The following GAS6 variants were observed in gnomAD, a reference collection of about 807,000 sequenced individuals.
GAS6 encodes growth arrest specific 6.
A neutral mutation model predicts 75.8 loss-of-function variants in GAS6; 41 were observed. That is an observed-to-expected ratio of 0.54 (90% CI 0.42 to 0.70). GAS6 has a LOEUF of 0.70. Among genes scored for constraint, GAS6 ranks in the 30% least tolerant of loss-of-function variants. The pLI, the probability that GAS6 is intolerant of heterozygous loss-of-function variation, is 0.00. For synonymous variants in GAS6, 432 were observed against 412.6 expected (o/e 1.05, Z -0.57); for missense variants, 854 against 940.2 (o/e 0.91, Z 1.20).
chr13:113,831,734 A>C (rs1376341432), intron 10 of GAS6, among the ~76,000 whole-genome samples: 2 of 151,506 alleles, frequency 1.3e-5, no homozygotes, highest in Non-Finnish European at 1.5e-5. Context: ...GCATGAACTA[A>C]ACGGGGCAGG....
chr13:113,824,969 A>G (rs531670436), intron 12 of GAS6, among the ~76,000 whole-genome samples: 1 of 152,230 alleles, frequency 6.6e-6, no homozygotes, highest in South Asian at 2.1e-4. Context: ...CTGTAATCCT[A>G]GCAATTTGGG....
intron 7 of GAS6, 93 bp downstream of exon 7, chr13:113,835,420 C>A: frequency 1.4e-6 from 2 of 1,442,908 alleles, no homozygotes; most frequent in Non-Finnish European, 1.9e-6. Context: ...ACCAGAAGCA[C>A]CCGGTTGTTA....
In GAS6 at chr13:113,838,184, G is replaced by A. The variant is rs780849360; in HGVS notation, c.474C>T (p.Asn158=). 1.2e-6 allele frequency: 2 copies of A among 1,612,590 alleles called. No individual in the cohort carries two copies. The highest frequency in any genetic ancestry group is 8.5e-7 in the Non-Finnish European group (1 of 1,179,856). The stretch of plus-strand genomic sequence containing the variant: ...AGCCCCCGTTCTCCTGGCTGCATTC[G>A]TTGACATCTGGGAACAAGCACAGGC... ...WGGRLCDKDV[N]ECSQENGGCL... The change falls in exon 6 of 15, where the codon AAC becomes AAT. Residue 158 remains asparagine, a synonymous_variant. Transcript: ENST00000327773.
chr13:113,854,391 C>T (rs1272948673), intron 2 of GAS6, among the ~76,000 whole-genome samples: 2 of 152,250 alleles, frequency 1.3e-5, no homozygotes, highest in Non-Finnish European at 2.9e-5. Flanking sequence ...AGCAGCTGCA[C>T]GGCGGTAACG....
At chr13:113,841,202 G>C (rs550348888) in intron 4 of GAS6, 3 of 152,410 alleles carry the variant, frequency 2.0e-5, no homozygotes, top group African/African-American at 7.2e-5. Context: ...TGAGCGGCGG[G>C]CGGGTCTGTG....
chr13:113,859,402 G>A (rs893314086), intron 2 of GAS6, among the ~76,000 whole-genome samples: 1 of 149,214 alleles, frequency 6.7e-6, no homozygotes, highest in Non-Finnish European at 1.5e-5. Context: ...ATACATGTCT[G>A]TTAGTATGTG....
At position 113,863,671 on chromosome 13, in the gene GAS6, G is replaced by A. The variant is rs1344271515; in HGVS notation, c.159C>T (p.Phe53=). 5.3e-6 allele frequency: 8 copies of A among 1,521,580 alleles called. No homozygotes were observed. The highest frequency in any genetic ancestry group is 7.0e-6 in the Non-Finnish European group (8 of 1,134,834). 94.3% of individuals were successfully genotyped at this position (1,521,580 alleles called of 1,614,324 possible). Residue 53 remains phenylalanine, a synonymous_variant, in exon 2 of 15, where the codon TTC becomes TTT. Transcript: ENST00000327773. This position sits in a 1 kb window ranked among gnomAD's most constrained non-coding sequence, Gnocchi z 9.4. The part of the protein sequence containing the change: ...RPRQRRAFQV[F]EEAKQGHLER... ...CCAGGTGGCCCTGCTTGGCCTCCTCGAAGACCTGAAAGGCGCGGCGCTGCC... is the reference window on the plus strand; with the variant it reads ...CCAGGTGGCCCTGCTTGGCCTCCTCAAAGACCTGAAAGGCGCGGCGCTGCC...
chr13:113,824,373 G>A (rs970548630), intron 12 of GAS6, among the ~76,000 whole-genome samples: 5 of 151,192 alleles, frequency 3.3e-5, no homozygotes, highest in Non-Finnish European at 5.9e-5. Context: ...GGTCTGAGCT[G>A]TCAGGAGCAC....
chr13:113,862,517 G>C (rs1594212774), intron 2 of GAS6, among the ~76,000 whole-genome samples: 2 of 152,218 alleles, frequency 1.3e-5, no homozygotes, highest in East Asian at 3.9e-4. Flanking sequence ...GACCAAGCTA[G>C]GCTGAGCTGA....
At chr13:113,855,779 C>G (rs575425825) in intron 2 of GAS6, among the ~76,000 whole-genome samples, 7 of 152,286 alleles carry the variant, frequency 4.6e-5, no homozygotes, top group African/African-American at 1.4e-4. Flanking sequence ...CAAGAGTGCA[C>G]GCAAGCAGAA....
At chr13:113,833,713 G>A in intron 8 of GAS6, 1 of 1,006,962 alleles carries the variant, frequency 9.9e-7, no homozygotes, top group South Asian at 3.6e-5. Context: ...GCAGTGGTGT[G>A]ACAGGCACCG....
In GAS6 at chr13:113,836,216, G is replaced by C. The variant is rs370768585; in HGVS notation, c.590-581C>G. Among the ~76,000 whole-genome samples the C allele has an allele frequency of 4.6e-4, 10 of 21,594 alleles. No homozygotes were observed. The East Asian group carries it at 6.3e-3, about 14-fold the overall frequency. The allele number at this position is 21,594 out of a possible 152,430, so 14.2% of individuals were successfully genotyped here. On this transcript the variant is annotated intron_variant, in intron 6 of 14. Coordinates refer to ENST00000327773, the MANE Select transcript of GAS6 (RefSeq NM_000820.4). The stretch of plus-strand genomic sequence containing the variant: ...ACGGAGAAAGGTGGGGGAGGAGAAG[G>C]GGGAGTAGGAGTGGGAGGAGGAAGG...
chr13:113,828,548 G>A lies in GAS6; in HGVS notation c.1307C>T (p.Pro436Leu). Residue 436 changes from proline (P) to leucine (L), a missense_variant and splice_region_variant, in exon 11 of 15, where the codon CCT becomes CTT. Coordinates refer to ENST00000327773, the MANE Select transcript of GAS6 (RefSeq NM_000820.4). ...IPFHEKDLVQ[P>L]INPRLDGCMR... ...CACAGGGACAGGTACAGTACTCACA[G>A]GCTGCACGAGGTCCTTCTCATGGAA... The A allele has an allele frequency of 6.2e-7, 1 of 1,613,052 alleles. No homozygotes were observed. The highest frequency in any genetic ancestry group is 8.5e-7 in the Non-Finnish European group (1 of 1,179,760).
At chr13:113,831,529 G>C (rs549088522) in intron 10 of GAS6, among the ~76,000 whole-genome samples, 1 of 152,050 alleles carries the variant, frequency 6.6e-6, no homozygotes, top group African/African-American at 2.4e-5. Context: ...CACTCTGCTC[G>C]GGATAAACAG....
chr13:113,838,302 A>AGGG (rs2051738310), intron 5 of GAS6, 111 bp from the exon 6 acceptor site: 1 of 1,252,596 alleles, frequency 8.0e-7, no homozygotes, highest in African/African-American at 1.6e-5. Context: ...GAGGGAGCCC[A>AGGG]GAGGTGCACA....
chr13:113,828,606 A>G lies in GAS6; in HGVS notation c.1249T>C (p.Tyr417His), dbSNP rs749740507. 40 of 1,613,494 alleles carry G rather than the reference A, an allele frequency of 2.5e-5. No individual in the cohort carries two copies. The highest frequency in any genetic ancestry group is 3.2e-5 in the Non-Finnish European group (38 of 1,179,994). Residue 417 changes from tyrosine (Y) to histidine (H), a missense_variant, in exon 11 of 15, where the codon TAT becomes CAT. Coordinates refer to ENST00000327773, the MANE Select transcript of GAS6 (RefSeq NM_000820.4). ...GDLFQPERGL[Y>H]HLNLTVGGIP... ...CCTCCCACGGTCAGGTTCAGATGAT[A>G]CAGTCCTCGCTCCGGTTGGAACAAG...
Position 113,821,968 on chromosome 13 carries a change from G to T in GAS6, c.1872C>A (p.Gly624=), listed in dbSNP as rs1017389995. ...GCAGGGAGCACCTACCTGGCAGGCC[G>T]CCAGCAAAGGTGAGCACGGGGCTCC... ...HLRSPVLTFA[G]GLPDVPVTSA... Residue 624 remains glycine, a synonymous_variant, in exon 14 of 15, where the codon GGC becomes GGA. Transcript: ENST00000327773. 11 of 1,533,376 alleles carry T rather than the reference G, an allele frequency of 7.2e-6. No individual in the cohort carries two copies. The highest frequency in any genetic ancestry group is 9.6e-6 in the Non-Finnish European group (11 of 1,141,886). 95.0% of individuals were successfully genotyped at this position (1,533,376 alleles called of 1,614,324 possible). A position where few individuals can be genotyped will look rare whatever the true frequency, so the allele number is the denominator to read the frequency against.
At chr13:113,825,565 G>A (rs1014409616) in intron 12 of GAS6, among the ~76,000 whole-genome samples, 2 of 152,182 alleles carry the variant, frequency 1.3e-5, no homozygotes, top group African/African-American at 4.8e-5. Context: ...CGGCAGACGC[G>A]GCCGGCAGTC....
chr13:113,859,537 TGTCA>T (rs1198192036), intron 2 of GAS6, among the ~76,000 whole-genome samples: 1 of 152,124 alleles, frequency 6.6e-6, no homozygotes, highest in Non-Finnish European at 1.5e-5. Flanking sequence ...TGTGCATGTC[TGTCA>T]GTGTGTGTGT....
Sources: allele counts gnomAD v4.1 joint callset (sites outside exome capture counted in the v4.1 genomes callset), GRCh38; gene constraint gnomAD v4.1.1; non-coding constraint Gnocchi (gnomAD v3.1); transcripts MANE v1.5; gene names NCBI Gene and HGNC (gene_info 2026-07-23, HGNC 2026-07-21).